Variants in SYT1 observed in about 807,000 individuals in gnomAD.
SYT1 encodes the protein synaptotagmin-1.
SYT1 carries 8 observed loss-of-function variants against 44.8 expected under a neutral mutation model. The ratio of observed to expected loss-of-function variants is 0.18; its 90% CI spans 0.10 to 0.32. The LOEUF is 0.32. SYT1 is among the 10% of genes least tolerant of loss of function. The pLI is 1.00. For synonymous variants in SYT1, 154 were observed against 188.8 expected, an observed-to-expected ratio of 0.82 and a Z score of 1.51; for missense variants, 286 against 509.3, an observed-to-expected ratio of 0.56 and a Z score of 4.22.
At chr12:78,946,721 A>T (rs1878679240) in intron 1 of SYT1, among the ~76,000 whole-genome samples, 1 of 151,974 alleles carries the variant, frequency 6.6e-6, no homozygotes, top group Non-Finnish European at 1.5e-5. Context: ...GAAAAAGAAA[A>T]GAAAAAGCAT....
chr12:78,942,884 C>CA (rs1253292501), intron 1 of SYT1, among the ~76,000 whole-genome samples: 3 of 152,144 alleles, frequency 2.0e-5, no homozygotes, highest in African/African-American at 7.2e-5. Flanking sequence ...GCGGAACTCT[C>CA]AAAGTCATGT....
intron 9 of SYT1, among the ~76,000 whole-genome samples, chr12:79,436,375 C>A (rs771844000): frequency 6.6e-6 from 1 of 151,910 alleles, no homozygotes; most frequent in Admixed American, 6.6e-5. Flanking sequence ...AGGGATTGAA[C>A]AAAACAGCAG....
intron 9 of SYT1, among the ~76,000 whole-genome samples, chr12:79,381,719 A>G (rs1207574105): frequency 1.3e-5 from 2 of 152,170 alleles, no homozygotes; most frequent in Admixed American, 6.5e-5. Flanking sequence ...TTGAGCTACA[A>G]ATTGCGTGGA....
intron 1 of SYT1, among the ~76,000 whole-genome samples, chr12:78,928,895 G>T (rs1262403967): frequency 6.6e-6 from 1 of 152,026 alleles, no homozygotes; most frequent in Non-Finnish European, 1.5e-5. Flanking sequence ...GGGGAATGCT[G>T]TATATATGTC....
intron 1 of SYT1, among the ~76,000 whole-genome samples, chr12:78,938,915 A>G (rs558863579): frequency 1.2e-4 from 19 of 152,312 alleles, no homozygotes; most frequent in African/African-American, 4.6e-4. Flanking sequence ...AAGAATCACT[A>G]AAGTTGGATA....
intron 8 of SYT1, among the ~76,000 whole-genome samples, chr12:79,350,543 C>T (rs1288502656): frequency 6.6e-6 from 1 of 152,146 alleles, no homozygotes; most frequent in Admixed American, 6.5e-5. Context: ...TGAGCCACCG[C>T]GCCCGGCCCT....
At chr12:79,032,418 A>G (rs1296053174) in intron 2 of SYT1, among the ~76,000 whole-genome samples, 1 of 151,212 alleles carries the variant, frequency 6.6e-6, no homozygotes, top group African/African-American at 2.4e-5. Context: ...CCTGGAATTA[A>G]ACAATTTGTT....
chr12:79,318,850 A>C (rs1297783971), intron 8 of SYT1, among the ~76,000 whole-genome samples: 1 of 152,210 alleles, frequency 6.6e-6, no homozygotes, highest in Non-Finnish European at 1.5e-5. Context: ...ACAAAAACAG[A>C]GTGAGATTAG....
At chr12:79,168,570 A>G (rs1274298460) in intron 3 of SYT1, among the ~76,000 whole-genome samples, 1 of 152,020 alleles carries the variant, frequency 6.6e-6, no homozygotes, top group African/African-American at 2.4e-5. Flanking sequence ...TGATATAGTC[A>G]CTGGGAAGAC....
At chr12:79,117,772 C>A (rs1879383954) in intron 3 of SYT1, among the ~76,000 whole-genome samples, 1 of 137,152 alleles carries the variant, frequency 7.3e-6, no homozygotes, top group Non-Finnish European at 1.5e-5. Flanking sequence ...CATGTAAGAG[C>A]TAGGTCATAT....
At chr12:79,143,798 T>C (rs568944150) in intron 3 of SYT1, among the ~76,000 whole-genome samples, 9 of 152,320 alleles carry the variant, frequency 5.9e-5, no homozygotes, top group Admixed American at 5.2e-4. Flanking sequence ...AATTAGACTA[T>C]ATTACAGATA....
At chr12:79,350,227 C>A (rs1882828022) in intron 8 of SYT1, among the ~76,000 whole-genome samples, 2 of 151,486 alleles carry the variant, frequency 1.3e-5, no homozygotes, top group African/African-American at 4.9e-5. Context: ...AGTATCAGGG[C>A]CTCCCCAGGA....
intron 9 of SYT1, among the ~76,000 whole-genome samples, chr12:79,432,434 A>T (rs867771600): frequency 1.3e-5 from 2 of 151,782 alleles, no homozygotes; most frequent in Non-Finnish European, 1.5e-5. Context: ...TCATTGTTCA[A>T]TTCCCACCTA....
At chr12:79,021,910 A>G (rs1197558927) in intron 2 of SYT1, among the ~76,000 whole-genome samples, 2 of 151,456 alleles carry the variant, frequency 1.3e-5, no homozygotes, top group East Asian at 1.9e-4. Flanking sequence ...CTTTTTTTTG[A>G]AAGCATCTTC....
At chr12:79,057,116 C>T (rs1875005152) in intron 3 of SYT1, among the ~76,000 whole-genome samples, 1 of 151,946 alleles carries the variant, frequency 6.6e-6, no homozygotes, top group Non-Finnish European at 1.5e-5. Flanking sequence ...TAGCATTTTC[C>T]TCCTTTCCTT....
At chr12:79,172,019 A>G (rs1436034908) in intron 3 of SYT1, among the ~76,000 whole-genome samples, 5 of 151,994 alleles carry the variant, frequency 3.3e-5, no homozygotes, top group Non-Finnish European at 7.4e-5. Flanking sequence ...ATATCATGCA[A>G]ATCTTTATCT....
intron 8 of SYT1, among the ~76,000 whole-genome samples, chr12:79,327,969 A>G (rs1881680071): frequency 6.6e-6 from 1 of 152,118 alleles, no homozygotes; most frequent in Non-Finnish European, 1.5e-5. Context: ...AATAAGGGTA[A>G]TATTTTAGGG....
intron 1 of SYT1, among the ~76,000 whole-genome samples, chr12:78,920,101 T>G (rs570351592): frequency 9.2e-5 from 14 of 152,066 alleles, no homozygotes; most frequent in African/African-American, 3.4e-4. Flanking sequence ...CTACCGAAAT[T>G]TAAATAAAAT....
chr12:79,083,051 G>A (rs1877143553), intron 3 of SYT1, among the ~76,000 whole-genome samples: 1 of 150,878 alleles, frequency 6.6e-6, no homozygotes, highest in Admixed American at 6.6e-5. Flanking sequence ...AAACATGAAA[G>A]AACAAGTCAA....
Sources: gnomAD v4.1 joint callset for allele counts (sites outside exome capture counted in the v4.1 genomes callset) on GRCh38, gnomAD v4.1.1 for gene constraint, MANE v1.5 for transcripts, NCBI Gene and HGNC (gene_info 2026-07-23, HGNC 2026-07-21) for gene names.